Variants in USH2A observed in about 807,000 individuals in gnomAD.
USH2A encodes Usher syndrome 2A (autosomal recessive, mild).
Under a neutral mutation model 538.9 loss-of-function variants are expected in USH2A, and 443 were observed. The ratio of observed to expected loss-of-function variants is 0.82; its 90% CI spans 0.76 to 0.89. USH2A has a LOEUF of 0.89. Among genes scored for constraint, USH2A ranks in the 40% least tolerant of loss-of-function variants. The pLI is 0.00. For synonymous variants in USH2A, 2,413 were observed against 2,273.5 expected (o/e 1.06, Z -1.75); for missense variants, 6,633 against 6,324.8 (o/e 1.05, Z -1.65).
At chr1:216,295,709 GT>G (rs941812887) in intron 9 of USH2A, among the ~76,000 whole-genome samples, 4 of 151,924 alleles carry the variant, frequency 2.6e-5, no homozygotes, top group Admixed American at 2.6e-4. Flanking sequence ...ATATGCCAGA[GT>G]TACATGTTAA....
At chr1:215,729,442 T>C (rs1659927732) in intron 60 of USH2A, among the ~76,000 whole-genome samples, 1 of 152,224 alleles carries the variant, frequency 6.6e-6, no homozygotes, top group Non-Finnish European at 1.5e-5. Context: ...ACATTTATTG[T>C]ACTTATACAT....
intron 61 of USH2A, among the ~76,000 whole-genome samples, chr1:215,693,116 G>GTGTTTGTGTATATATATA (rs112153911): frequency 7.5e-6 from 1 of 133,516 alleles, no homozygotes; most frequent in Admixed American, 7.8e-5. Flanking sequence ...GTGTGTATGT[G>GTGTTTGTGTATATATATA]TATATATATA....
chr1:216,048,913 T>A (rs1326644038), intron 30 of USH2A, among the ~76,000 whole-genome samples: 3 of 152,230 alleles, frequency 2.0e-5, no homozygotes, highest in Admixed American at 6.5e-5. Flanking sequence ...CCCATTAAAA[T>A]GGGGAGGGGG....
chr1:216,106,888 G>A (rs2032748986), intron 21 of USH2A, among the ~76,000 whole-genome samples: 1 of 151,756 alleles, frequency 6.6e-6, no homozygotes, highest in Admixed American at 6.6e-5. Context: ...AGGGCATTTA[G>A]AAATGTGTTG....
rs2037710344 is a variant in USH2A at position 216,325,423 on chromosome 1, A to G, written c.1025T>C (p.Leu342Pro). Residue 342 changes from leucine (L) to proline (P), a missense_variant, in exon 6 of 72, where the codon CTC becomes CCC. By Grantham distance (98) the Leu-to-Pro change is moderately conservative. Transcript: ENST00000307340. ...AACATCATTATCATTGACAAAAGAG[A>G]GAGGATGGGCTTCAGGATTCAACCG... ...VSRLNPEAHP[L>P]SFVNDNDVGT... 1 of 1,613,924 alleles carries G rather than the reference A, an allele frequency of 6.2e-7. No individual in the cohort carries two copies. The highest frequency in any genetic ancestry group is 1.7e-5 in the Admixed American group (1 of 59,978).
At chr1:215,951,242 T>G (rs1666904756) in intron 37 of USH2A, among the ~76,000 whole-genome samples, 1 of 152,220 alleles carries the variant, frequency 6.6e-6, no homozygotes, top group South Asian at 2.1e-4. Context: ...CCAGAGATTC[T>G]GGTATGTTGT....
intron 9 of USH2A, among the ~76,000 whole-genome samples, chr1:216,309,100 G>A (rs529770311): frequency 1.3e-5 from 2 of 152,302 alleles, no homozygotes; most frequent in East Asian, 3.9e-4. Context: ...CTAGACGATT[G>A]TAAAACCTTC....
chr1:216,158,143 A>G (rs946918660), intron 21 of USH2A, among the ~76,000 whole-genome samples: 2 of 152,164 alleles, frequency 1.3e-5, no homozygotes, highest in Admixed American at 1.3e-4. Flanking sequence ...TACTGTTGAT[A>G]GAAATTTGGA....
chr1:215,993,789 G>A lies in USH2A; in HGVS notation c.6658-622C>T, dbSNP rs145395449. 2.2e-3 allele frequency among the ~76,000 whole-genome samples: 337 copies of A among 152,250 alleles called. 2 individuals carry two copies. The highest frequency in any genetic ancestry group is 7.7e-3 in the African/African-American group (321 of 41,532). Reference sequence around the variant, plus strand: ...TTAAAGGATCACATAATTTACTTATGTGTCAGAGTAGATAGGCTTCATTAA... The same window carrying A: ...TTAAAGGATCACATAATTTACTTATATGTCAGAGTAGATAGGCTTCATTAA... On this transcript the variant is annotated intron_variant, in intron 34 of 71. Coordinates refer to ENST00000307340, the MANE Select transcript of USH2A (RefSeq NM_206933.4).
intron 32 of USH2A, among the ~76,000 whole-genome samples, chr1:216,034,879 AT>A (rs1177843081): frequency 6.6e-6 from 1 of 152,176 alleles, no homozygotes; most frequent in Non-Finnish European, 1.5e-5. Flanking sequence ...AAGGCATCCC[AT>A]TTTGGGTATT....
chr1:215,845,785 G>T lies in USH2A; in HGVS notation c.9055+39C>A, dbSNP rs368142483. On this transcript the variant is annotated intron_variant, in intron 45 of 71. Transcript: ENST00000307340. ...CGGCAAGAATCAATCAATTTCATTC[G>T]CATCTCTGAGGCAAATATCCTTTAG... 4 of 1,590,132 alleles carry T rather than the reference G, an allele frequency of 2.5e-6. No individual in the cohort carries two copies. In the East Asian group the frequency reaches 8.9e-5, roughly 36 times the overall value.
At chr1:215,735,044 G>A (rs1463843605) in intron 60 of USH2A, among the ~76,000 whole-genome samples, 1 of 152,126 alleles carries the variant, frequency 6.6e-6, no homozygotes, top group Non-Finnish European at 1.5e-5. Flanking sequence ...TCTGTATTAG[G>A]CTGTTCTTGT....
At position 216,097,110 on chromosome 1, in the gene USH2A, T is replaced by C. The variant is rs2032458764; in HGVS notation, c.4731A>G (p.Gly1577=). 6.2e-7 allele frequency: 1 copy of C among 1,614,100 alleles called. No homozygotes were observed. Among genetic ancestry groups the C allele is most frequent in the South Asian group, 1.1e-5 (1 of 91,082 alleles). ...GAGGATCAAAAAGAAAATAAAGACG[T>C]CCCTTCTTCAACTGAAGTGCAAAAT... The part of the protein sequence containing the change: ...EEYFALQLKK[G]RLYFLFDPQG... The change falls in exon 22 of 72, where the codon GGA becomes GGG. Residue 1577 remains glycine (G), a synonymous_variant. Transcript: ENST00000307340.
chr1:215,898,451 T>C (rs2102468279), intron 40 of USH2A, among the ~76,000 whole-genome samples: 1 of 152,254 alleles, frequency 6.6e-6, no homozygotes, highest in Admixed American at 6.5e-5. Context: ...ATTTTGGACT[T>C]TTGCTTATTT....
At chr1:216,357,740 G>A (rs901047920) in intron 4 of USH2A, among the ~76,000 whole-genome samples, 1 of 152,120 alleles carries the variant, frequency 6.6e-6, no homozygotes, top group South Asian at 2.1e-4. Context: ...AACAAGTTCA[G>A]AAATAACTGG....
intron 55 of USH2A, among the ~76,000 whole-genome samples, chr1:215,772,610 A>G (rs1488741832): frequency 6.6e-6 from 1 of 152,230 alleles, no homozygotes; most frequent in Non-Finnish European, 1.5e-5. Flanking sequence ...ATGATTTGGA[A>G]AACAAAACCC....
chr1:216,234,087 G>A (rs980886895), intron 13 of USH2A, among the ~76,000 whole-genome samples: 7 of 151,950 alleles, frequency 4.6e-5, no homozygotes, highest in Non-Finnish European at 7.4e-5. Context: ...AAGAAGGAGA[G>A]CATGAGCAAA....
chr1:216,089,261 C>A, intron 22 of USH2A, 122 bp from the exon 23 acceptor site: 1 of 1,066,074 alleles, frequency 9.4e-7, no homozygotes. Context: ...AGCATGCATA[C>A]ATTTCAAACA....
chr1:216,018,019 A>G (rs1289694946), intron 32 of USH2A, among the ~76,000 whole-genome samples: 1 of 151,986 alleles, frequency 6.6e-6, no homozygotes, highest in Non-Finnish European at 1.5e-5. Flanking sequence ...GCCACACCCT[A>G]TAAGAAACCT....
Sources: allele counts gnomAD v4.1 joint callset (sites outside exome capture counted in the v4.1 genomes callset), GRCh38; gene constraint gnomAD v4.1.1; transcripts MANE v1.5; gene names NCBI Gene and HGNC (gene_info 2026-07-23, HGNC 2026-07-21).